Variants in MTMR1 observed in about 807,000 individuals in gnomAD.
MTMR1 encodes myotubularin related protein 1.
In MTMR1, 17 loss-of-function variants were observed where a neutral mutation model predicts 51.6. The observed-to-expected ratio is 0.33, with a 90% CI of 0.23 to 0.49. The LOEUF (loss-of-function observed/expected upper bound fraction) is 0.49. Ranked by LOEUF, MTMR1 falls within the 20% of genes least tolerant of loss-of-function variation. The pLI, the probability that MTMR1 is intolerant of heterozygous loss-of-function variation, is 0.99. For synonymous variants in MTMR1, 201 were observed against 205.6 expected (o/e 0.98, Z 0.19); for missense variants, 386 against 526.9 (o/e 0.73, Z 2.62).
At chrX:150,696,923 G>A (rs1458081697) in intron 1 of MTMR1, among the ~76,000 whole-genome samples, 1 of 111,409 alleles carries the variant, frequency 9.0e-6, no homozygotes, top group African/African-American at 3.3e-5. Flanking sequence ...CTTCTTCTCC[G>A]CTTTCCCCCA....
intron 14 of MTMR1, among the ~76,000 whole-genome samples, chrX:150,751,571 G>T (rs2042731393): frequency 9.0e-6 from 1 of 110,926 alleles, no homozygotes; most frequent in Non-Finnish European, 1.9e-5. Flanking sequence ...CCTCTTTCCT[G>T]CCTCCTCGGC....
intron 2 of MTMR1, among the ~76,000 whole-genome samples, chrX:150,705,616 A>G (rs781795165): frequency 8.9e-6 from 1 of 112,219 alleles, no homozygotes; most frequent in African/African-American, 3.2e-5. Context: ...AATATGCTAC[A>G]GGAATGAAGA....
intron 2 of MTMR1, among the ~76,000 whole-genome samples, chrX:150,705,754 A>AC (rs1557416051): frequency 8.9e-6 from 1 of 111,918 alleles, no homozygotes; most frequent in Non-Finnish European, 1.9e-5. Context: ...GAATCCTGAG[A>AC]CCCCAGGAAG....
chrX:150,755,551 G>A (rs1030061791), intron 14 of MTMR1, 138 bp from the exon 15 acceptor site: 7 of 441,482 alleles, frequency 1.6e-5, no homozygotes, highest in South Asian at 9.1e-5. Context: ...GAAGAAGGTG[G>A]GGCTGGGACC....
chrX:150,736,867 G>GGAGATATAC, intron 11 of MTMR1, 87 bp downstream of exon 11: 1 of 905,610 alleles, frequency 1.1e-6, no homozygotes, highest in Non-Finnish European at 1.5e-6. Flanking sequence ...AGTGCCTCTT[G>GGAGATATAC]GCTGTGTGCA....
At chrX:150,752,626 T>G (rs892570130) in intron 14 of MTMR1, among the ~76,000 whole-genome samples, 2 of 24,671 alleles carry the variant, frequency 8.1e-5, no homozygotes, top group African/African-American at 1.2e-3. Context: ...TTTATCTTGT[T>G]TTTTTTTTTT....
At chrX:150,730,466 T>C in intron 7 of MTMR1, 59 bp from the exon 8 acceptor site, 1 of 776,637 alleles carries the variant, frequency 1.3e-6, no homozygotes, top group Middle Eastern at 3.8e-4. Flanking sequence ...AGCTTTAATA[T>C]TGGGTATATG....
intron 15 of MTMR1, among the ~76,000 whole-genome samples, chrX:150,757,907 G>A (rs782011263): frequency 9.0e-6 from 1 of 110,775 alleles, no homozygotes; most frequent in African/African-American, 3.3e-5. Context: ...GAGTGGAGGC[G>A]CTGCTAATAA....
chrX:150,749,764 G>A (rs181651783), intron 13 of MTMR1, among the ~76,000 whole-genome samples: 112 of 112,198 alleles, frequency 1.0e-3, no homozygotes, highest in Non-Finnish European at 1.4e-3. Context: ...GCTTACATTC[G>A]TAAAGTAAAC....
intron 4 of MTMR1, among the ~76,000 whole-genome samples, chrX:150,725,418 T>C (rs2041893541): frequency 8.9e-6 from 1 of 112,171 alleles, no homozygotes; most frequent in Non-Finnish European, 1.9e-5. Context: ...TGTATGCTGA[T>C]TTTGTATCCT....
chrX:150,732,388 C>T (rs1272363258), intron 9 of MTMR1, among the ~76,000 whole-genome samples, 154 bp from the exon 10 acceptor site: 1 of 111,284 alleles, frequency 9.0e-6, no homozygotes, highest in Non-Finnish European at 1.9e-5. Flanking sequence ...GTCTGATGGC[C>T]ACTACAATGC....
At chrX:150,708,240 A>C (rs1472473983) in intron 2 of MTMR1, among the ~76,000 whole-genome samples, 1 of 111,932 alleles carries the variant, frequency 8.9e-6, no homozygotes, top group Non-Finnish European at 1.9e-5. Flanking sequence ...TGACTGGTAC[A>C]TGGAATCTGT....
rs377125598 is a variant in MTMR1, at chrX:150,716,379, A to G, written c.277-2246A>G. On this transcript the variant is annotated intron_variant, in intron 3 of 15. Transcript: ENST00000445323. ...TTAGTGTTTCTAAAACCAGACATTT[A>G]TAAGTATACCTGTTAGTTTATGCTT... Among the ~76,000 whole-genome samples, 30 of 112,845 alleles carry G rather than the reference A, an allele frequency of 2.7e-4. 1 individual carries two copies. The South Asian group carries it at 9.4e-3, about 35-fold the overall frequency.
In MTMR1 at chrX:150,750,891, C is replaced by T. The variant is rs372155474; in HGVS notation, c.1680+48C>T. ...TGTTGCTTTCCCTGTGGCTCAGGCACCTCTCCTCGGAAGTGCTACTGTAGG... is the reference window on the plus strand; with the variant it reads ...TGTTGCTTTCCCTGTGGCTCAGGCATCTCTCCTCGGAAGTGCTACTGTAGG... On this transcript the variant is annotated intron_variant, in intron 14 of 15. Transcript: ENST00000445323. The T allele has an allele frequency of 4.6e-6, 5 of 1,075,919 alleles. No individual in the cohort carries two copies. The African/African-American group carries it at 5.5e-5, about 12-fold the overall frequency. 88.7% of individuals were successfully genotyped at this position (1,075,919 alleles called of 1,213,427 possible).
At chrX:150,712,088 T>C (rs1218415011) in intron 2 of MTMR1, among the ~76,000 whole-genome samples, 3 of 111,781 alleles carry the variant, frequency 2.7e-5, no homozygotes, top group Non-Finnish European at 5.6e-5. Flanking sequence ...TTTAAGGTAA[T>C]GTAGTTAGTC....
intron 11 of MTMR1, 73 bp downstream of exon 11, chrX:150,736,853 T>TC (rs2042286706): frequency 1.0e-6 from 1 of 966,297 alleles, no homozygotes; most frequent in Non-Finnish European, 1.4e-6. Flanking sequence ...TACGTATATC[T>TC]CCAAGTGCCT....
rs782634570 is a variant in MTMR1, at chrX:150,698,675, C to T, written c.147-520C>T. Among the ~76,000 whole-genome samples the T allele has an allele frequency of 1.1e-4, 6 of 52,203 alleles. No homozygotes were observed. In the East Asian group the frequency reaches 2.6e-3, roughly 22 times the overall value. 45.3% of individuals were successfully genotyped at this position (52,203 alleles called of 115,157 possible). A position where few individuals can be genotyped will look rare whatever the true frequency, so the allele number is the denominator to read the frequency against. On this transcript the variant is annotated intron_variant, in intron 1 of 15. Coordinates refer to ENST00000445323, the MANE Select transcript of MTMR1 (RefSeq NM_001306144.3). ...AACATGGCAAAACCCTGTCTACACGCGCGCGCACACACACACACACACACA... is the reference window on the plus strand; with the variant it reads ...AACATGGCAAAACCCTGTCTACACGTGCGCGCACACACACACACACACACA...
chrX:150,755,948 G>T, intron 15 of MTMR1, 83 bp downstream of exon 15: 1 of 810,667 alleles, frequency 1.2e-6, no homozygotes, highest in South Asian at 2.3e-5. Context: ...ATGTGTTAAT[G>T]GTAGATATTA....
intron 2 of MTMR1, among the ~76,000 whole-genome samples, chrX:150,699,592 T>C (rs1331900997): frequency 2.7e-5 from 3 of 112,559 alleles, no homozygotes; most frequent in African/African-American, 9.7e-5. Context: ...AGCTTCTTTG[T>C]TAGTATTGTG....
Sources: gnomAD v4.1 joint callset for allele counts (sites outside exome capture counted in the v4.1 genomes callset) on GRCh38, gnomAD v4.1.1 for gene constraint, MANE v1.5 for transcripts, NCBI Gene and HGNC (gene_info 2026-07-23, HGNC 2026-07-21) for gene names.